ADAMTSL1: variants seen among roughly 807,000 people sequenced by gnomAD.
ADAMTSL1 encodes ADAMTS like 1.
ADAMTSL1 carries 126 observed loss-of-function variants against 201.8 expected under a neutral mutation model. That is an observed-to-expected ratio of 0.62 (90% CI 0.54 to 0.72). The LOEUF is 0.72. ADAMTSL1 is among the 30% of genes least tolerant of loss of function. ADAMTSL1 has a pLI of 0.00. For synonymous variants in ADAMTSL1, 1,121 were observed against 903.4 expected (o/e 1.24, Z -4.32); for missense variants, 2,679 against 2,277.8 (o/e 1.18, Z -3.59).
At chr9:17,970,070 G>A (rs886176922) in intron 1 of ADAMTSL1, among the ~76,000 whole-genome samples, 1 of 152,008 alleles carries the variant, frequency 6.6e-6, no homozygotes, top group South Asian at 2.1e-4. Context: ...ATATTCAGAT[G>A]CCTGCTCTAT....
chr9:18,248,632 G>C (rs113373501), intron 2 of ADAMTSL1, among the ~76,000 whole-genome samples: 6 of 152,168 alleles, frequency 3.9e-5, no homozygotes, highest in African/African-American at 4.8e-5. Context: ...GAAGGTTTCA[G>C]AGCCTCTCCA....
rs929520025 is a variant in ADAMTSL1, at chr9:18,541,479, C to T, written c.237+8187C>T. On this transcript the variant is annotated intron_variant, in intron 3 of 28. Transcript: ENST00000380548. Reference sequence around the variant, plus strand: ...GAGCTGAGATCGTGTCATTGCACTCCAGACTGGGCAACAAGAGCAAAACTC... The same window carrying T: ...GAGCTGAGATCGTGTCATTGCACTCTAGACTGGGCAACAAGAGCAAAACTC... 2.7e-5 allele frequency among the ~76,000 whole-genome samples: 4 copies of T among 150,618 alleles called. No homozygotes were observed. In the South Asian group the frequency reaches 8.4e-4, roughly 32 times the overall value.
chr9:18,311,270 G>A (rs999328820), intron 2 of ADAMTSL1, among the ~76,000 whole-genome samples: 2 of 151,880 alleles, frequency 1.3e-5, no homozygotes, highest in Non-Finnish European at 2.9e-5. Context: ...ATATTGATGG[G>A]TGCAGCAAAC....
At chr9:18,287,665 G>A (rs1833067119) in intron 2 of ADAMTSL1, among the ~76,000 whole-genome samples, 1 of 145,496 alleles carries the variant, frequency 6.9e-6, no homozygotes, top group African/African-American at 2.6e-5. Flanking sequence ...ACACATATAT[G>A]TATGTGTATA....
chr9:18,825,046 A>C (rs1425125780), intron 21 of ADAMTSL1, among the ~76,000 whole-genome samples: 1 of 152,058 alleles, frequency 6.6e-6, no homozygotes, highest in Non-Finnish European at 1.5e-5. Context: ...GAGTTCTATA[A>C]ATAAACTGTG....
At chr9:18,682,955 G>A (rs538546949) in intron 12 of ADAMTSL1, among the ~76,000 whole-genome samples, 3 of 152,266 alleles carry the variant, frequency 2.0e-5, no homozygotes, top group East Asian at 3.9e-4. Context: ...GAGATCATGC[G>A]TAGGTTAAAT....
intron 2 of ADAMTSL1, among the ~76,000 whole-genome samples, chr9:18,207,653 G>A (rs1829708666): frequency 6.6e-6 from 1 of 152,092 alleles, no homozygotes; most frequent in Admixed American, 6.6e-5. Flanking sequence ...GTCATTTTAG[G>A]CGCCCTTGTA....
intron 1 of ADAMTSL1, among the ~76,000 whole-genome samples, chr9:17,962,003 A>C (rs1249773796): frequency 6.6e-6 from 1 of 152,220 alleles, no homozygotes; most frequent in South Asian, 2.1e-4. Flanking sequence ...ATTGACTTGC[A>C]GCAGGAAGAT....
At chr9:18,637,933 A>C (rs1459646809) in intron 6 of ADAMTSL1, among the ~76,000 whole-genome samples, 5 of 152,186 alleles carry the variant, frequency 3.3e-5, no homozygotes, top group Non-Finnish European at 7.4e-5. Flanking sequence ...AGATTTTCCC[A>C]AAACTAAGTT....
At position 18,650,157 on chromosome 9, in the gene ADAMTSL1, C is replaced by A. The variant is rs145215651; in HGVS notation, c.835-7482C>A. ...GTTTGATCTCTGACTGCTTTGCTAG[C>A]AATCAGTGAGACTCCGTGGGCGTGG... On this transcript the variant is annotated intron_variant, in intron 7 of 28. Transcript: ENST00000380548. Among the ~76,000 whole-genome samples the A allele has an allele frequency of 5.1e-3, 777 of 152,316 alleles. 8 individuals carry two copies. The highest frequency in any genetic ancestry group is 0.018 in the African/African-American group (735 of 41,572).
chr9:18,552,492 T>C (rs1208504007), intron 3 of ADAMTSL1, among the ~76,000 whole-genome samples: 1 of 151,862 alleles, frequency 6.6e-6, no homozygotes, highest in Non-Finnish European at 1.5e-5. Flanking sequence ...TGACCTGTTA[T>C]CCACACTTTC....
At chr9:18,216,479 C>G (rs1944764) in intron 2 of ADAMTSL1, among the ~76,000 whole-genome samples, 1 of 151,990 alleles carries the variant, frequency 6.6e-6, no homozygotes, top group African/African-American at 2.4e-5. Context: ...AGGAGAATAA[C>G]TTAGCATAGG....
chr9:18,524,892 C>G (rs1347421895), intron 2 of ADAMTSL1, among the ~76,000 whole-genome samples: 1 of 152,120 alleles, frequency 6.6e-6, no homozygotes, highest in East Asian at 1.9e-4. Context: ...GGATATTGGT[C>G]TAAAATTCTC....
chr9:18,226,905 T>C (rs1830451845), intron 2 of ADAMTSL1, among the ~76,000 whole-genome samples: 1 of 152,170 alleles, frequency 6.6e-6, no homozygotes, highest in African/African-American at 2.4e-5. Flanking sequence ...TTATAAAATA[T>C]AATTTTTAAT....
chr9:18,646,393 C>A (rs1827814066), intron 7 of ADAMTSL1, among the ~76,000 whole-genome samples: 2 of 151,876 alleles, frequency 1.3e-5, no homozygotes, highest in Admixed American at 6.6e-5. Flanking sequence ...CCTTCTCCTG[C>A]CTAATTGCCC....
intron 2 of ADAMTSL1, among the ~76,000 whole-genome samples, chr9:18,269,234 C>A (rs10963545): frequency 0.37 from 55,912 of 151,944 alleles, 10,929 homozygotes; most frequent in South Asian, 0.51. Context: ...CATATCATTT[C>A]TCTCCAGCTA....
chr9:18,009,957 C>T (rs114555706), intron 1 of ADAMTSL1, among the ~76,000 whole-genome samples: 3 of 152,074 alleles, frequency 2.0e-5, no homozygotes, highest in Non-Finnish European at 2.9e-5. Context: ...AAACATTTCT[C>T]GCTCTTAACT....
intron 13 of ADAMTSL1, among the ~76,000 whole-genome samples, chr9:18,690,274 T>C (rs1486439236): frequency 6.6e-6 from 1 of 152,136 alleles, no homozygotes; most frequent in Admixed American, 6.5e-5. Context: ...TAGTCCATAT[T>C]TATACCCAAT....
At chr9:18,621,629 T>G (rs1438452098) in intron 4 of ADAMTSL1, among the ~76,000 whole-genome samples, 1 of 151,506 alleles carries the variant, frequency 6.6e-6, no homozygotes, top group Non-Finnish European at 1.5e-5. Flanking sequence ...GCTGATTCTC[T>G]CCTCTTTTTT....
Sources: allele counts gnomAD v4.1 joint callset (sites outside exome capture counted in the v4.1 genomes callset), GRCh38; gene constraint gnomAD v4.1.1; transcripts MANE v1.5; gene names NCBI Gene and HGNC (gene_info 2026-07-23, HGNC 2026-07-21).